ODAD1: variants seen among roughly 807,000 people sequenced by gnomAD.
ODAD1 encodes outer dynein arm docking complex subunit 1.
Under a neutral mutation model 67.2 loss-of-function variants are expected in ODAD1, and 49 were observed. The ratio of observed to expected loss-of-function variants is 0.73; its 90% CI spans 0.58 to 0.92. The LOEUF (loss-of-function observed/expected upper bound fraction) is 0.92, where lower values mean the gene tolerates loss of function less well. Ranked by LOEUF, ODAD1 falls within the 40% of genes least tolerant of loss-of-function variation. The pLI is 0.00. For missense variants in ODAD1, 897 were observed against 953.7 expected (o/e 0.94, Z 0.78); for synonymous variants, 345 against 393.7 (o/e 0.88, Z 1.46).
intron 4 of ODAD1, 52 bp from the exon 5 acceptor site, chr19:48,318,628 A>G: frequency 6.5e-7 from 1 of 1,542,858 alleles, no homozygotes; most frequent in South Asian, 1.2e-5. Context: ...AGAACTCAGC[A>G]TCACTAAAGG....
At position 48,318,708 on chromosome 19, in the gene ODAD1, C is replaced by T. The variant is rs2147336955; in HGVS notation, c.170+5G>A. On this transcript the variant is annotated splice_donor_5th_base_variant and intron_variant, in intron 4 of 15. Transcript: ENST00000674294. ...CCCAGCTCAGGGCCCAGGCGCCCAG[C>T]TCACAGTTGCTTGTTGATGCGCTGG... The T allele has an allele frequency of 6.5e-7, 1 of 1,548,596 alleles. No homozygotes were observed. The highest frequency in any genetic ancestry group is 8.7e-7 in the Non-Finnish European group (1 of 1,144,232).
Position 48,298,023 on chromosome 19 carries a change from G to C in ODAD1, c.1479C>G (p.Ala493=), listed in dbSNP as rs777889773. 1.2e-5 allele frequency: 19 copies of C among 1,613,126 alleles called. No homozygotes were observed. The highest frequency in any genetic ancestry group is 1.5e-5 in the Non-Finnish European group (18 of 1,179,770). ...QSLEDLPKKM[A]PLQPPDTLED... ...ACAGAGTGTCAGGGGGCTGAAGTGG[G>C]GCCATCTTCTTCGGAAGGTCCTCCA... Residue 493 remains alanine, a synonymous_variant, in exon 14 of 16, where the codon GCC becomes GCG. Coordinates refer to ENST00000674294, the MANE Select transcript of ODAD1 (RefSeq NM_001364171.2).
intron 12 of ODAD1, among the ~76,000 whole-genome samples, 166 bp downstream of exon 12, chr19:48,302,528 G>A (rs1968492653): frequency 6.6e-6 from 1 of 151,960 alleles, no homozygotes; most frequent in African/African-American, 2.4e-5. Flanking sequence ...AGATGGACAT[G>A]GGACAGTTGG....
Position 48,298,080 on chromosome 19 carries a change from G to A in ODAD1, c.1422C>T (p.Ala474=), listed in dbSNP as rs141720286. Residue 474 remains alanine (A), a synonymous_variant, in exon 14 of 16, where the codon GCC becomes GCT. Transcript: ENST00000674294. The part of the protein sequence containing the change: ...FLHAQSFTSL[A]DAALLVLGQS... ...GGCCCAGCACTAGGAGGGCAGCGTC[G>A]GCCAGGGAGGTGAAGCTCTGGAGAG... 6.9e-5 allele frequency: 112 copies of A among 1,613,060 alleles called. No homozygotes were observed. The highest frequency in any genetic ancestry group is 1.6e-4 in the Middle Eastern group (1 of 6,072).
At chr19:48,321,175 T>C (rs981211098) in intron 1 of ODAD1, among the ~76,000 whole-genome samples, 5 of 150,178 alleles carry the variant, frequency 3.3e-5, no homozygotes, top group African/African-American at 1.2e-4. Flanking sequence ...GAGGCGGAGG[T>C]TGCAGTGAGC....
At chr19:48,307,692 G>A (rs1481531842) in intron 7 of ODAD1, among the ~76,000 whole-genome samples, 1 of 152,038 alleles carries the variant, frequency 6.6e-6, no homozygotes, top group Non-Finnish European at 1.5e-5. Context: ...GCAGGTGCCT[G>A]TAGTCCCAGC....
In ODAD1 at chr19:48,298,079, C is replaced by T. The variant is rs199600077; in HGVS notation, c.1423G>A (p.Asp475Asn). ...TGGCCCAGCACTAGGAGGGCAGCGTCGGCCAGGGAGGTGAAGCTCTGGAGA... is the reference window on the plus strand; with the variant it reads ...TGGCCCAGCACTAGGAGGGCAGCGTTGGCCAGGGAGGTGAAGCTCTGGAGA... ...LHAQSFTSLA[D>N]AALLVLGQSL... The change falls in exon 14 of 16, where the codon GAC (aspartate) becomes AAC (asparagine). Residue 475 changes from aspartate (D) to asparagine (N), a missense_variant. Transcript: ENST00000674294. The T allele has an allele frequency of 6.0e-5, 97 of 1,613,186 alleles. No individual in the cohort carries two copies. In the East Asian group the frequency reaches 6.2e-4, roughly 10 times the overall value.
intron 7 of ODAD1, among the ~76,000 whole-genome samples, chr19:48,307,706 T>C (rs2147322858): frequency 6.6e-6 from 1 of 151,598 alleles, no homozygotes; most frequent in Admixed American, 6.6e-5. Flanking sequence ...TCCCAGCTAC[T>C]CGGGAGGCTG....
intron 7 of ODAD1, among the ~76,000 whole-genome samples, chr19:48,310,994 C>T (rs1364227358): frequency 6.6e-6 from 1 of 152,072 alleles, no homozygotes; most frequent in Non-Finnish European, 1.5e-5. Context: ...AGGCGGATCA[C>T]GAGGTCAGGA....
Position 48,320,379 on chromosome 19 carries a change from C to A in ODAD1, c.-11G>T. 1 of 1,287,394 alleles carries A rather than the reference C, an allele frequency of 7.8e-7. No individual in the cohort carries two copies. Among genetic ancestry groups the A allele is most frequent in the Non-Finnish European group, 1.0e-6 (1 of 987,436 alleles). The allele number at this position is 1,287,394 out of a possible 1,614,324, so 79.7% of individuals were successfully genotyped here. On this transcript the variant is annotated 5_prime_UTR_variant, in exon 3 of 16. Transcript: ENST00000674294. ...GCGTCCCAAAGGCATCCTGGCCAAA[C>A]AGGGTGGGGCTCCTGTAGGGATGGA...
chr19:48,313,919 G>A (rs1267386565), intron 5 of ODAD1, among the ~76,000 whole-genome samples: 1 of 151,876 alleles, frequency 6.6e-6, no homozygotes, highest in Non-Finnish European at 1.5e-5. Context: ...TTTGGACATA[G>A]ATACGCACAC....
Position 48,312,042 on chromosome 19 carries a change from C to T in ODAD1, c.435G>A (p.Lys145=). 6.4e-7 allele frequency: 1 copy of T among 1,551,196 alleles called. No individual in the cohort carries two copies. Among genetic ancestry groups the T allele is most frequent in the Non-Finnish European group, 8.7e-7 (1 of 1,146,326 alleles). The stretch of plus-strand genomic sequence containing the variant: ...TCCTGATCCTTCGCCTGATCTTGAC[C>T]TTCTGATCCAGGATGAATCCCGGGG... ...VRSPGFILDQ[K]VKIRRRIRIL... The change falls in exon 6 of 16, where the codon AAG becomes AAA. Residue 145 remains lysine, a synonymous_variant. Transcript: ENST00000674294.
At chr19:48,303,208 G>C (rs1046882237) in intron 10 of ODAD1, 113 bp from the exon 11 acceptor site, 3 of 817,506 alleles carry the variant, frequency 3.7e-6, no homozygotes, top group Admixed American at 1.9e-5. Context: ...GATGAGGAAG[G>C]CCACACAGAA....
Position 48,303,719 on chromosome 19 carries a change from C to T in ODAD1, c.919G>A (p.Ala307Thr), listed in dbSNP as rs772349661. 3 of 1,614,036 alleles carry T rather than the reference C, an allele frequency of 1.9e-6. No homozygotes were observed. The highest frequency in any genetic ancestry group is 1.7e-6 in the Non-Finnish European group (2 of 1,179,926). ...ATCAGCTGGGACAGTTTATTCAGGG[C>T]GTCCTCGTAGCAAAGCACCAGCCTC... ...QERLVLCYEDALNKLSQLMGE... is the reference protein window; with the variant it reads ...QERLVLCYEDTLNKLSQLMGE... The change falls in exon 10 of 16, where the codon GCC (alanine) becomes ACC (threonine). Residue 307 changes from alanine (A) to threonine (T), a missense_variant. Transcript: ENST00000674294.
intron 5 of ODAD1, among the ~76,000 whole-genome samples, chr19:48,313,666 C>T (rs1429154826): frequency 2.0e-5 from 3 of 150,688 alleles, no homozygotes; most frequent in East Asian, 2.0e-4. Flanking sequence ...GATGATCTCT[C>T]GAAGCCAGGA....
At chr19:48,302,619 C>G in intron 12 of ODAD1, 75 bp downstream of exon 12, 1 of 1,339,740 alleles carries the variant, frequency 7.5e-7, no homozygotes, top group Non-Finnish European at 1.0e-6. Context: ...TGCAATGCCT[C>G]CAAGCCCCGC....
chr19:48,320,170 C>A (rs1429253360), intron 3 of ODAD1, 129 bp downstream of exon 3: 1 of 839,704 alleles, frequency 1.2e-6, no homozygotes, highest in Admixed American at 4.0e-5. Context: ...TCCCTTAGGG[C>A]GCATGTCTGT....
intron 7 of ODAD1, 46 bp from the exon 8 acceptor site, chr19:48,306,369 A>G (rs1367951499): frequency 2.0e-6 from 3 of 1,493,632 alleles, no homozygotes; most frequent in East Asian, 2.5e-5. Flanking sequence ...TTACAACCCC[A>G]TTGCTCGAAG....
At position 48,312,130 on chromosome 19, in the gene ODAD1, G is replaced by T. The variant is rs948256140; in HGVS notation, c.361-14C>A. 1.0e-5 allele frequency: 16 copies of T among 1,549,694 alleles called. No individual in the cohort carries two copies. Among genetic ancestry groups the T allele is most frequent in the Non-Finnish European group, 1.4e-5 (16 of 1,145,430 alleles). ...CCACTCCTGGATCTACAAGAAAGAG[G>T]ATGGTACCTGTTTTTGGTTGCCTGA... On this transcript the variant is annotated splice_polypyrimidine_tract_variant and intron_variant, in intron 5 of 15. Transcript: ENST00000674294.
Sources: allele counts gnomAD v4.1 joint callset (sites outside exome capture counted in the v4.1 genomes callset), GRCh38; gene constraint gnomAD v4.1.1; transcripts MANE v1.5; gene names NCBI Gene and HGNC (gene_info 2026-07-23, HGNC 2026-07-21).